Variants in STARD13 observed in about 807,000 individuals in gnomAD.
The protein encoded by STARD13 is StAR related lipid transfer domain containing 13.
A neutral mutation model predicts 106.4 loss-of-function variants in STARD13; 62 were observed. That is an observed-to-expected ratio of 0.58 (90% CI 0.48 to 0.72). STARD13 has a LOEUF of 0.72. STARD13 is among the 30% of genes least tolerant of loss of function. STARD13 has a pLI of 0.00. For missense variants in STARD13, 1,387 were observed against 1,424.0 expected, an observed-to-expected ratio of 0.97 and a Z score of 0.42; for synonymous variants, 565 against 553.0, an observed-to-expected ratio of 1.02 and a Z score of -0.31.
the STARD13 span, among the ~76,000 whole-genome samples, chr13:33,473,146 G>T: frequency 2.0e-5 from 3 of 152,308 alleles, no homozygotes; most frequent in Middle Eastern, 0.01. Context: ...CAGGCATGGT[G>T]TTAGACACAG....
At chr13:33,522,629 T>A in the STARD13 span, among the ~76,000 whole-genome samples, 1 of 152,192 alleles carries the variant, frequency 6.6e-6, no homozygotes, top group African/African-American at 2.4e-5. Flanking sequence ...GTTGAAGTCA[T>A]ACAGTATGTA....
At chr13:33,536,909 A>G in the STARD13 span, among the ~76,000 whole-genome samples, 6 of 152,162 alleles carry the variant, frequency 3.9e-5, no homozygotes, top group Admixed American at 3.9e-4. Context: ...ATATTGTTCT[A>G]TCGGTTTGTT....
chr13:33,481,152 A>G, the STARD13 span, among the ~76,000 whole-genome samples: 1 of 152,184 alleles, frequency 6.6e-6, no homozygotes, highest in Non-Finnish European at 1.5e-5. Flanking sequence ...AGAATCAAGC[A>G]TGAATCCTTC....
the STARD13 span, among the ~76,000 whole-genome samples, chr13:33,634,575 C>T: frequency 3.9e-5 from 6 of 152,170 alleles, no homozygotes; most frequent in East Asian, 1.2e-3. Context: ...TTTTTGAAAT[C>T]AAAATTCTCC....
chr13:33,611,839 G>T, the STARD13 span, among the ~76,000 whole-genome samples: 318 of 152,306 alleles, frequency 2.1e-3, 1 homozygote, highest in African/African-American at 7.2e-3. Flanking sequence ...GTTGGAAATG[G>T]ACAGGGCAGG....
chr13:33,214,796 C>A (rs1180628951), intron 1 of STARD13, among the ~76,000 whole-genome samples: 2 of 151,638 alleles, frequency 1.3e-5, no homozygotes, highest in Non-Finnish European at 2.9e-5. Context: ...GTATGAGTTT[C>A]TAAAACAACC....
At chr13:33,422,788 C>T in the STARD13 span, among the ~76,000 whole-genome samples, 2 of 152,124 alleles carry the variant, frequency 1.3e-5, no homozygotes, top group South Asian at 2.1e-4. Flanking sequence ...AGAAATAACA[C>T]CACACATCTA....
intron 4 of STARD13, among the ~76,000 whole-genome samples, chr13:33,131,755 C>A (rs367962822): frequency 6.6e-6 from 1 of 152,094 alleles, no homozygotes; most frequent in East Asian, 1.9e-4. Flanking sequence ...GACCTGGTTC[C>A]AAGTGTCAGT....
chr13:33,221,010 A>G (rs1566082484), intron 1 of STARD13, among the ~76,000 whole-genome samples: 2 of 152,136 alleles, frequency 1.3e-5, no homozygotes, highest in Non-Finnish European at 2.9e-5. Context: ...CCCCATATCC[A>G]TATAGATAAG....
At chr13:33,229,229 T>A (rs1221655904) in intron 1 of STARD13, among the ~76,000 whole-genome samples, 1 of 152,086 alleles carries the variant, frequency 6.6e-6, no homozygotes, top group Non-Finnish European at 1.5e-5. Context: ...GCAGATGGGC[T>A]GAAAAGGGAC....
In STARD13 at chr13:33,233,873, C is replaced by T. The variant is rs531850606; in HGVS notation, c.169+51597G>A. The stretch of plus-strand genomic sequence containing the variant: ...CAGAAGTTGCTCCTGTGTCAGCAGC[C>T]GGAGCAGCCAGCCGGATCTTGCACT... On this transcript the variant is annotated intron_variant, in intron 1 of 13. Coordinates refer to ENST00000336934, the MANE Select transcript of STARD13 (RefSeq NM_178006.4). 3.3e-4 allele frequency among the ~76,000 whole-genome samples: 50 copies of T among 152,236 alleles called. 1 individual carries two copies. Among genetic ancestry groups the T allele is most frequent in the African/African-American group, 1.0e-3 (42 of 41,556 alleles).
At chr13:33,185,961 A>G in intron 1 of STARD13, 1 of 1,614,250 alleles carries the variant, frequency 6.2e-7, no homozygotes, top group Non-Finnish European at 8.5e-7. Context: ...CCAGCGCAGC[A>G]CCAAGCACCA....
intron 1 of STARD13, among the ~76,000 whole-genome samples, chr13:33,292,996 T>C (rs1892350578): frequency 6.6e-6 from 1 of 152,128 alleles, no homozygotes; most frequent in Admixed American, 6.5e-5. Flanking sequence ...CGTTGCTGCC[T>C]CAGTTGCCTT....
intron 1 of STARD13, among the ~76,000 whole-genome samples, chr13:33,223,935 C>A (rs1043433687): frequency 6.6e-6 from 1 of 152,152 alleles, no homozygotes; most frequent in Non-Finnish European, 1.5e-5. Flanking sequence ...AACCATTATT[C>A]TCCCTAGCTT....
chr13:33,173,421 C>T (rs780635376), intron 1 of STARD13, among the ~76,000 whole-genome samples: 48 of 152,180 alleles, frequency 3.2e-4, no homozygotes, highest in Admixed American at 7.2e-4. Flanking sequence ...TAGAACCATA[C>T]GCTACCACCA....
At chr13:33,440,838 A>G in the STARD13 span, among the ~76,000 whole-genome samples, 1 of 137,904 alleles carries the variant, frequency 7.3e-6, no homozygotes, top group Non-Finnish European at 1.5e-5. Context: ...CTGGTCTCGA[A>G]CTCCTGAACT....
At chr13:33,277,125 A>G (rs1042441272) in intron 1 of STARD13, among the ~76,000 whole-genome samples, 1 of 151,664 alleles carries the variant, frequency 6.6e-6, no homozygotes, top group South Asian at 2.1e-4. Context: ...GTCCTTCCCT[A>G]GACTGCACCA....
chr13:33,240,024 G>T (rs1388062393), intron 1 of STARD13, among the ~76,000 whole-genome samples: 1 of 152,038 alleles, frequency 6.6e-6, no homozygotes, highest in African/African-American at 2.4e-5. Flanking sequence ...TAGTTTTCAG[G>T]TCTTACATTC....
intron 1 of STARD13, among the ~76,000 whole-genome samples, chr13:33,238,358 G>A (rs1221631887): frequency 6.6e-6 from 1 of 152,126 alleles, no homozygotes; most frequent in African/African-American, 2.4e-5. Flanking sequence ...AAGAACGGCT[G>A]CCCAAGAGAT....
Sources: gnomAD v4.1 joint callset for allele counts (sites outside exome capture counted in the v4.1 genomes callset) on GRCh38, gnomAD v4.1.1 for gene constraint, MANE v1.5 for transcripts, NCBI Gene and HGNC (gene_info 2026-07-23, HGNC 2026-07-21) for gene names.